The following PCDHA3 variants were observed in gnomAD, a reference collection of about 807,000 sequenced individuals.
PCDHA3 encodes protocadherin alpha-3.
A neutral mutation model predicts 62.2 loss-of-function variants in PCDHA3; 41 were observed. That is an observed-to-expected ratio of 0.66 (90% confidence interval 0.51 to 0.86). PCDHA3 has a LOEUF of 0.86. Among genes scored for constraint, PCDHA3 ranks in the 40% least tolerant of loss-of-function variants. The pLI is 0.00. For synonymous variants in PCDHA3, 640 were observed against 555.4 expected, an observed-to-expected ratio of 1.15 and a Z score of -2.14; for missense variants, 1,304 against 1,241.2, an observed-to-expected ratio of 1.05 and a Z score of -0.76.
Position 140,906,732 on chromosome 5 carries a change from T to G in PCDHA3, c.2395-72217T>G, listed in dbSNP as rs535007647. On this transcript the variant is annotated intron_variant, in intron 1 of 3. Coordinates refer to ENST00000522353, the MANE Select transcript of PCDHA3 (RefSeq NM_018906.3). ...CTGCCTGGATTGTGCTGTTGTAGTT[T>G]CCCATTGACACAGGGCATGGTAATA... Among the ~76,000 whole-genome samples, 14 of 152,296 alleles carry G rather than the reference T, an allele frequency of 9.2e-5. No individual in the cohort carries two copies. The South Asian group carries it at 2.7e-3, about 29-fold the overall frequency.
At chr5:140,981,982 A>G (rs1026116713) in intron 2 of PCDHA3, among the ~76,000 whole-genome samples, 6 of 152,218 alleles carry the variant, frequency 3.9e-5, no homozygotes, top group Admixed American at 2.0e-4. Context: ...AAAGAGTAAA[A>G]TAGAAAATAA....
At chr5:140,906,218 A>G (rs2072464720) in intron 1 of PCDHA3, among the ~76,000 whole-genome samples, 1 of 152,176 alleles carries the variant, frequency 6.6e-6, no homozygotes, top group African/African-American at 2.4e-5. Flanking sequence ...ATTAACCATC[A>G]CAAGTCCTCC....
chr5:140,853,250 TTCTC>T (rs2042687770), intron 1 of PCDHA3: 1 of 976,068 alleles, frequency 1.0e-6, no homozygotes, highest in Non-Finnish European at 1.2e-6. Context: ...TTAATCTCTA[TTCTC>T]TCTCAGAGTA....
chr5:140,856,991 T>TA lies in PCDHA3; in HGVS notation c.2394+53401dup, dbSNP rs781903903. ...TATTGACTTTGAGGACAGTAACACT[T>TA]ATGAAATTCATGTAGATGTTACAGA... On this transcript the variant is annotated intron_variant, in intron 1 of 3. Transcript: ENST00000522353. 5.6e-6 allele frequency: 9 copies of TA among 1,595,654 alleles called. No homozygotes were observed. The East Asian group carries it at 1.8e-4, about 32-fold the overall frequency.
chr5:140,822,162 G>A, intron 1 of PCDHA3: 1 of 1,614,230 alleles, frequency 6.2e-7, no homozygotes, highest in Non-Finnish European at 8.5e-7. Flanking sequence ...ATGACAATCC[G>A]CCCAGGTTCT....
Position 141,009,608 on chromosome 5 carries a change from G to T in PCDHA3, c.2543-19G>T, listed in dbSNP as rs1350951999. On this transcript the variant is annotated intron_variant, in intron 3 of 3. Coordinates refer to ENST00000522353, the MANE Select transcript of PCDHA3 (RefSeq NM_018906.3). Reference sequence around the variant, plus strand: ...CATGTGTTGACCCTGTTAATGATTTGTAATGTTTTGTCTTTCAGAACCAGA... The same window carrying T: ...CATGTGTTGACCCTGTTAATGATTTTTAATGTTTTGTCTTTCAGAACCAGA... 1 of 1,610,774 alleles carries T rather than the reference G, an allele frequency of 6.2e-7. No individual in the cohort carries two copies. The highest frequency in any genetic ancestry group is 2.2e-5 in the East Asian group (1 of 44,832).
chr5:140,883,841 C>T (rs2059844881), intron 1 of PCDHA3: 1 of 1,612,742 alleles, frequency 6.2e-7, no homozygotes, highest in Non-Finnish European at 8.5e-7. Context: ...GCCGTTGGAC[C>T]ACGAGGAGCT....
intron 1 of PCDHA3, among the ~76,000 whole-genome samples, chr5:140,898,820 G>A (rs1303151513): frequency 6.6e-6 from 1 of 152,208 alleles, no homozygotes; most frequent in Admixed American, 6.5e-5. Context: ...TCCTACCCAT[G>A]AGCATGGAAT....
intron 1 of PCDHA3, chr5:140,829,594 G>T (rs141465004): frequency 2.2e-5 from 35 of 1,611,982 alleles, no homozygotes; most frequent in Non-Finnish European, 3.0e-5. Context: ...GGGTGGGCGA[G>T]CGCGCGTTGT....
intron 1 of PCDHA3, among the ~76,000 whole-genome samples, chr5:140,908,655 G>C (rs1419890192): frequency 6.6e-6 from 1 of 152,176 alleles, no homozygotes; most frequent in East Asian, 1.9e-4. Context: ...ATGGGGGCCT[G>C]CCAAAGGCTC....
intron 1 of PCDHA3, chr5:140,808,545 C>T (rs782621345): frequency 9.3e-6 from 15 of 1,614,116 alleles, no homozygotes; most frequent in South Asian, 8.8e-5. Context: ...GACAACGCTC[C>T]GGCGTTCGCG....
chr5:140,807,970 A>G, intron 1 of PCDHA3: 2 of 1,613,692 alleles, frequency 1.2e-6, no homozygotes, highest in Non-Finnish European at 1.7e-6. Context: ...GAACATTGGT[A>G]ATTAAACTTA....
chr5:140,940,983 C>G lies in PCDHA3; in HGVS notation c.2395-37966C>G, dbSNP rs572659107. On this transcript the variant is annotated intron_variant, in intron 1 of 3. Coordinates refer to ENST00000522353, the MANE Select transcript of PCDHA3 (RefSeq NM_018906.3). ...ATGCAGGATATCTGGTATCTAGTTA[C>G]AAGTTTATAGGATTAAATTTTCCTT... 3.9e-5 allele frequency among the ~76,000 whole-genome samples: 6 copies of G among 152,294 alleles called. No homozygotes were observed. In the South Asian group the frequency reaches 1.0e-3, roughly 26 times the overall value.
chr5:140,957,145 T>A (rs1554222837), intron 1 of PCDHA3, among the ~76,000 whole-genome samples: 1 of 152,156 alleles, frequency 6.6e-6, no homozygotes, highest in Non-Finnish European at 1.5e-5. Context: ...GAACTAAAAA[T>A]TTTGGAGACA....
intron 1 of PCDHA3, chr5:140,849,630 G>A: frequency 1.9e-6 from 3 of 1,598,686 alleles, no homozygotes; most frequent in Non-Finnish European, 2.6e-6. Flanking sequence ...CGACCTAGAC[G>A]CAGATGCCAA....
At chr5:140,882,561 G>A in intron 1 of PCDHA3, 2 of 1,614,222 alleles carry the variant, frequency 1.2e-6, no homozygotes, top group Non-Finnish European at 1.7e-6. Flanking sequence ...CTGTGTGGGC[G>A]GAGCGCGGAG....
At chr5:140,960,444 T>C in intron 1 of PCDHA3, among the ~76,000 whole-genome samples, 1 of 152,022 alleles carries the variant, frequency 6.6e-6, no homozygotes, top group Non-Finnish European at 1.5e-5. Context: ...TAGATATATG[T>C]ATGGATAATT....
intron 3 of PCDHA3, among the ~76,000 whole-genome samples, chr5:141,001,011 A>G (rs912284389): frequency 3.9e-5 from 6 of 152,206 alleles, no homozygotes; most frequent in African/African-American, 1.4e-4. Context: ...ATGTATTTAG[A>G]TATACACTTA....
At chr5:140,999,837 A>G (rs2097878885) in intron 3 of PCDHA3, among the ~76,000 whole-genome samples, 2 of 152,206 alleles carry the variant, frequency 1.3e-5, no homozygotes, top group South Asian at 2.1e-4. Flanking sequence ...AAATATGCCA[A>G]GTGTATTTAT....
Sources: allele counts gnomAD v4.1 joint callset (sites outside exome capture counted in the v4.1 genomes callset), GRCh38; gene constraint gnomAD v4.1.1; transcripts MANE v1.5; gene names NCBI Gene and HGNC (gene_info 2026-07-23, HGNC 2026-07-21).